Variants in BMPER observed in about 807,000 individuals in gnomAD.
The protein encoded by BMPER is BMP-binding endothelial regulator protein.
Under a neutral mutation model 87.3 loss-of-function variants are expected in BMPER, and 45 were observed. That is an observed-to-expected ratio of 0.52 (90% confidence interval 0.41 to 0.66). The LOEUF is 0.66. Among genes scored for constraint, BMPER ranks in the 30% least tolerant of loss-of-function variants. BMPER has a pLI of 0.00. For synonymous variants in BMPER, 326 were observed against 316.2 expected (o/e 1.03, Z -0.33); for missense variants, 784 against 867.5 (o/e 0.90, Z 1.21).
chr7:33,975,651 T>G (rs565410798), intron 6 of BMPER, among the ~76,000 whole-genome samples: 1 of 152,332 alleles, frequency 6.6e-6, no homozygotes, highest in South Asian at 2.1e-4. Flanking sequence ...CATCTATTTT[T>G]TAAGCTTTTA....
At chr7:34,049,483 G>A (rs1208629212) in intron 7 of BMPER, among the ~76,000 whole-genome samples, 2 of 152,106 alleles carry the variant, frequency 1.3e-5, no homozygotes, top group East Asian at 3.9e-4. Context: ...GAACAATATT[G>A]CCCGCTATAA....
chr7:33,913,938 A>G (rs1171296911), intron 2 of BMPER, among the ~76,000 whole-genome samples: 1 of 151,374 alleles, frequency 6.6e-6, no homozygotes, highest in Non-Finnish European at 1.5e-5. Context: ...CATGATAGTA[A>G]TGTATGCTCA....
At chr7:33,913,976 T>TA (rs1335921986) in intron 2 of BMPER, among the ~76,000 whole-genome samples, 1 of 151,518 alleles carries the variant, frequency 6.6e-6, no homozygotes, top group African/African-American at 2.4e-5. Flanking sequence ...TTTTTTTTTT[T>TA]TTTGAGATGG....
rs1308702611 is a variant in BMPER, at chr7:34,086,095, A to AAGTAC, written c.1745+7_1745+11dup. ...GTGGACTACGCCACTTTCTACCGGTAAGTACAGTGTTCTGGGGAATGGTTT... is the reference window on the plus strand; with the variant it reads ...GTGGACTACGCCACTTTCTACCGGTAAGTACAGTACAGTGTTCTGGGGAATGGTTT... On this transcript the variant is annotated splice_donor_region_variant and intron_variant, in intron 13 of 14. Coordinates refer to ENST00000649409, the MANE Select transcript of BMPER (RefSeq NM_001365308.1). The AAGTAC allele has an allele frequency of 1.2e-6, 2 of 1,613,344 alleles. No homozygotes were observed. The highest frequency in any genetic ancestry group is 1.7e-6 in the Non-Finnish European group (2 of 1,179,860).
Position 34,051,929 on chromosome 7 carries a change from TC to T in BMPER, c.747del (p.Ser250HisfsTer76). 1 of 1,614,064 alleles carries T rather than the reference TC, an allele frequency of 6.2e-7. No individual in the cohort carries two copies. The highest frequency in any genetic ancestry group is 2.2e-5 in the East Asian group (1 of 44,890). The stretch of plus-strand genomic sequence containing the variant: ...TCGAAGTGATGTTTATGACAATGGA[TC>T]CTCATTTCTGTACGATAACTGCACA... ...LFRSDVYDNG[S>X]SFLYDNCTAC... On this transcript the variant is annotated frameshift_variant, in exon 8 of 15. Coordinates refer to ENST00000649409, the MANE Select transcript of BMPER (RefSeq NM_001365308.1). LOFTEE classifies it high-confidence loss of function.
chr7:33,965,175 A>G (rs1785374805), intron 3 of BMPER, among the ~76,000 whole-genome samples: 1 of 152,230 alleles, frequency 6.6e-6, no homozygotes, highest in South Asian at 2.1e-4. Context: ...TGCAAAGGAA[A>G]TTAAAAAATA....
intron 14 of BMPER, 83 bp from the exon 15 acceptor site, chr7:34,153,009 A>G: frequency 6.7e-7 from 1 of 1,496,226 alleles, no homozygotes; most frequent in Non-Finnish European, 9.3e-7. Context: ...AAGTGTCATG[A>G]GCCTGCAAGA....
chr7:34,028,670 G>A (rs1436044961), intron 6 of BMPER, among the ~76,000 whole-genome samples: 2 of 47,084 alleles, frequency 4.2e-5, no homozygotes, highest in African/African-American at 1.6e-4. Flanking sequence ...CTTCGTATTT[G>A]TCCAGAAATG....
At chr7:34,150,004 G>A (rs933576800) in intron 14 of BMPER, among the ~76,000 whole-genome samples, 3 of 152,154 alleles carry the variant, frequency 2.0e-5, no homozygotes, top group Admixed American at 6.5e-5. Flanking sequence ...AGTAGGGCAA[G>A]TTCTGAAAGA....
rs572826621 is a variant in BMPER, at chr7:33,985,155, T to C, written c.576+10371T>C. On this transcript the variant is annotated intron_variant, in intron 6 of 14. Coordinates refer to ENST00000649409, the MANE Select transcript of BMPER (RefSeq NM_001365308.1). ...CACATATAAAGCATTGTATGATAAT[T>C]TCAAAAAGCCTAGATATATTGAGAA... is the stretch of plus-strand genomic sequence containing the variant. Among the ~76,000 whole-genome samples the C allele has an allele frequency of 2.0e-4, 31 of 152,306 alleles. 1 individual carries two copies. In the South Asian group the frequency reaches 6.0e-3, roughly 30 times the overall value.
chr7:34,024,384 A>AAAAAAAAAAAAAAAT (rs1562695193), intron 6 of BMPER, among the ~76,000 whole-genome samples: 1 of 23,430 alleles, frequency 4.3e-5, no homozygotes, highest in African/African-American at 2.1e-4. Context: ...AAAAAAAAAC[A>AAAAAAAAAAAAAAAT]ATATATATAT....
At chr7:34,052,248 A>G (rs190683050) in intron 8 of BMPER, among the ~76,000 whole-genome samples, 105 of 152,344 alleles carry the variant, frequency 6.9e-4, no homozygotes, top group Non-Finnish European at 9.1e-4. Flanking sequence ...TCAGACAAAT[A>G]CATACGGCTG....
chr7:34,042,290 A>C, intron 6 of BMPER, among the ~76,000 whole-genome samples: 1 of 152,170 alleles, frequency 6.6e-6, no homozygotes, highest in Non-Finnish European at 1.5e-5. Flanking sequence ...GAATAAACTT[A>C]CCTTTCTAAG....
At chr7:33,913,646 A>G (rs1784016542) in intron 2 of BMPER, among the ~76,000 whole-genome samples, 1 of 152,220 alleles carries the variant, frequency 6.6e-6, no homozygotes, top group Admixed American at 6.5e-5. Flanking sequence ...ATTGAAAAAA[A>G]TAGAATATTT....
intron 5 of BMPER, 23 bp from the exon 6 acceptor site, chr7:33,974,679 C>G: frequency 6.2e-7 from 1 of 1,610,948 alleles, no homozygotes; most frequent in South Asian, 1.1e-5. Flanking sequence ...TGCCCTAATT[C>G]TAAACTCTTG....
Position 34,153,342 on chromosome 7 carries a change from G to T in BMPER, c.*69G>T, listed in dbSNP as rs961256694. ...CACTGAAGCGGAAGAGCCAATGAAGGACTGCAGTATTTGTGTGCCCGATTC... is the reference window on the plus strand; with the variant it reads ...CACTGAAGCGGAAGAGCCAATGAAGTACTGCAGTATTTGTGTGCCCGATTC... On this transcript the variant is annotated 3_prime_UTR_variant, in exon 15 of 15. Coordinates refer to ENST00000649409, the MANE Select transcript of BMPER (RefSeq NM_001365308.1). 1.3e-6 allele frequency: 2 copies of T among 1,552,752 alleles called. No individual in the cohort carries two copies. Among genetic ancestry groups the T allele is most frequent in the Non-Finnish European group, 1.8e-6 (2 of 1,126,606 alleles).
chr7:33,970,583 C>T (rs1023282759), intron 5 of BMPER, among the ~76,000 whole-genome samples, 164 bp downstream of exon 5: 8 of 152,258 alleles, frequency 5.3e-5, no homozygotes, highest in South Asian at 4.2e-4. Context: ...TTGGCTGCCT[C>T]GGTGTGCCCA....
chr7:34,054,963 A>G (rs777722996), intron 8 of BMPER, among the ~76,000 whole-genome samples, 200 bp from the exon 9 acceptor site: 1 of 152,206 alleles, frequency 6.6e-6, no homozygotes, highest in Non-Finnish European at 1.5e-5. Flanking sequence ...TAGTTTCCAC[A>G]GTGCCCTGAT....
intron 13 of BMPER, among the ~76,000 whole-genome samples, chr7:34,103,542 A>G (rs1215103196): frequency 3.9e-5 from 6 of 152,164 alleles, no homozygotes; most frequent in African/African-American, 1.2e-4. Context: ...TTAAGCTTCA[A>G]GTGACTCCCC....
Sources: allele counts gnomAD v4.1 joint callset (sites outside exome capture counted in the v4.1 genomes callset), GRCh38; gene constraint gnomAD v4.1.1; transcripts MANE v1.5; gene names NCBI Gene and HGNC (gene_info 2026-07-23, HGNC 2026-07-21).